Variants in R3HDM1 observed in about 807,000 individuals in gnomAD.
R3HDM1 encodes the protein R3H domain containing 1.
R3HDM1 carries 46 observed loss-of-function variants against 141.1 expected under a neutral mutation model. That is an observed-to-expected ratio of 0.33 (90% CI 0.26 to 0.42). The LOEUF (loss-of-function observed/expected upper bound fraction) is 0.42, where lower values mean the gene tolerates loss of function less well. R3HDM1 is among the 10% of genes least tolerant of loss of function. R3HDM1 has a pLI of 1.00. For missense variants in R3HDM1, 1,184 were observed against 1,368.3 expected (o/e 0.87, Z 2.12); for synonymous variants, 435 against 472.9 (o/e 0.92, Z 1.04).
intron 19 of R3HDM1, among the ~76,000 whole-genome samples, chr2:135,665,066 T>C (rs1337288451): frequency 1.3e-5 from 2 of 152,220 alleles, no homozygotes; most frequent in African/African-American, 4.8e-5. Flanking sequence ...AGAGAATTGG[T>C]TTGTAACAGC....
intron 5 of R3HDM1, among the ~76,000 whole-genome samples, chr2:135,618,906 G>T (rs2061303022): frequency 6.6e-6 from 1 of 151,976 alleles, no homozygotes; most frequent in South Asian, 2.1e-4. Context: ...TGTAATCCCA[G>T]CTACTTCGGA....
At position 135,639,786 on chromosome 2, in the gene R3HDM1, G is replaced by A. The variant is rs187070445; in HGVS notation, c.1219+664G>A. 2.3e-3 allele frequency among the ~76,000 whole-genome samples: 346 copies of A among 152,140 alleles called. 2 individuals carry two copies. Among genetic ancestry groups the A allele is most frequent in the Non-Finnish European group, 3.7e-3 (253 of 68,000 alleles). The stretch of plus-strand genomic sequence containing the variant: ...GATCTTTATTTTTATCCCAAAATAA[G>A]CGTGAAAGTCAAAAATGGGTGTTTC... On this transcript the variant is annotated intron_variant, in intron 14 of 26. Coordinates refer to ENST00000683871, the MANE Select transcript of R3HDM1 (RefSeq NM_001378107.1).
chr2:135,664,062 G>C (rs1006727090), intron 19 of R3HDM1, among the ~76,000 whole-genome samples: 2 of 149,734 alleles, frequency 1.3e-5, no homozygotes, highest in African/African-American at 4.9e-5. Flanking sequence ...TAACAGAAAA[G>C]TGTGCATTTA....
In R3HDM1 at chr2:135,547,767, CTTTTTTTTTTT is replaced by C. The variant is rs56950620; in HGVS notation, c.-250+16145_-250+16155del. Among the ~76,000 whole-genome samples, 4 of 107,352 alleles carry C rather than the reference CTTTTTTTTTTT, an allele frequency of 3.7e-5. No homozygotes were observed. In the South Asian group the frequency reaches 9.1e-4, roughly 25 times the overall value. The allele number at this position is 107,352 out of a possible 152,430, so 70.4% of individuals were successfully genotyped here. A position where few individuals can be genotyped will look rare whatever the true frequency, so the allele number is the denominator to read the frequency against. ...ATATGTCTGTAGTCTTTTTTCTTTT[CTTTTTTTTTTT>C]TTTTTTTTTTCTTGAGACAGAGTCT... On this transcript the variant is annotated intron_variant, in intron 1 of 26. Transcript: ENST00000683871.
chr2:135,645,398 A>G lies in R3HDM1; in HGVS notation c.1494A>G (p.Pro498=). ...NPQTGQPFIN[P]DGSPVVYNPP... Reference sequence around the variant, plus strand: ...TTTCAGGTCAGCCCTTCATAAACCCAGATGGGAGTCCAGTTGTGTATAATC... The same window carrying G: ...TTTCAGGTCAGCCCTTCATAAACCCGGATGGGAGTCCAGTTGTGTATAATC... Residue 498 remains proline, a synonymous_variant, in exon 16 of 27, where the codon CCA becomes CCG. Coordinates refer to ENST00000683871, the MANE Select transcript of R3HDM1 (RefSeq NM_001378107.1). 6.2e-7 allele frequency: 1 copy of G among 1,611,200 alleles called. No individual in the cohort carries two copies. Among genetic ancestry groups the G allele is most frequent in the South Asian group, 1.1e-5 (1 of 90,792 alleles).
chr2:135,622,993 G>A (rs1378917948), intron 7 of R3HDM1: 3 of 981,934 alleles, frequency 3.1e-6, no homozygotes, highest in Non-Finnish European at 3.6e-6. Context: ...TCTTGATTGA[G>A]TTAGACATAT....
At chr2:135,533,587 A>T (rs1422949002) in intron 1 of R3HDM1, among the ~76,000 whole-genome samples, 1 of 152,228 alleles carries the variant, frequency 6.6e-6, no homozygotes, top group Non-Finnish European at 1.5e-5. Flanking sequence ...TTAGAGATAA[A>T]TATATAATAG....
chr2:135,668,397 A>G (rs1343288935), intron 19 of R3HDM1, among the ~76,000 whole-genome samples: 3 of 152,200 alleles, frequency 2.0e-5, no homozygotes, highest in African/African-American at 7.2e-5. Flanking sequence ...GCTGTGTTGT[A>G]TGTTATAATT....
chr2:135,531,690 C>T (rs1694729836), intron 1 of R3HDM1, 57 bp downstream of exon 1: 1 of 986,042 alleles, frequency 1.0e-6, no homozygotes, highest in South Asian at 4.7e-5. Context: ...CGCCTTGCTC[C>T]CCTCCCCCGC....
intron 21 of R3HDM1, among the ~76,000 whole-genome samples, chr2:135,702,382 C>T (rs978351119): frequency 1.6e-4 from 25 of 152,002 alleles, no homozygotes; most frequent in Admixed American, 1.6e-3. Context: ...AAAAAATGGC[C>T]GGGTGTGGTG....
intron 1 of R3HDM1, chr2:135,561,412 A>C: frequency 1.1e-6 from 1 of 878,526 alleles, no homozygotes; most frequent in Non-Finnish European, 1.4e-6. Context: ...ATAGCAAATG[A>C]CATTTTAAAA....
chr2:135,615,197 C>G (rs148120720), intron 3 of R3HDM1, among the ~76,000 whole-genome samples: 1 of 150,300 alleles, frequency 6.7e-6, no homozygotes, highest in Admixed American at 6.6e-5. Context: ...ACTGTAGACT[C>G]TTGTTTCTGT....
At chr2:135,616,065 G>C in intron 3 of R3HDM1, 87 bp from the exon 4 acceptor site, 1 of 1,344,258 alleles carries the variant, frequency 7.4e-7, no homozygotes, top group Non-Finnish European at 1.1e-6. Context: ...TGCACAGTTA[G>C]TTTTTCTGTG....
At chr2:135,533,938 A>G in intron 1 of R3HDM1, 1 of 928,666 alleles carries the variant, frequency 1.1e-6, no homozygotes, top group Non-Finnish European at 1.3e-6. Flanking sequence ...TGCCTGACAC[A>G]GTTTGTGCAA....
chr2:135,593,683 G>T (rs1480167511), intron 1 of R3HDM1, among the ~76,000 whole-genome samples: 1 of 151,920 alleles, frequency 6.6e-6, no homozygotes, highest in Non-Finnish European at 1.5e-5. Flanking sequence ...TTAGTCTTCA[G>T]GGTACCATAT....
At chr2:135,546,817 G>A (rs563096215) in intron 1 of R3HDM1, among the ~76,000 whole-genome samples, 49 of 152,136 alleles carry the variant, frequency 3.2e-4, no homozygotes, top group South Asian at 1.0e-3. Context: ...GATTACAGGC[G>A]TGTGCTACCA....
intron 21 of R3HDM1, among the ~76,000 whole-genome samples, chr2:135,702,003 G>T (rs951273585): frequency 2.0e-5 from 3 of 152,034 alleles, no homozygotes; most frequent in East Asian, 1.9e-4. Context: ...TTCCAAATGT[G>T]TGCAACCATC....
chr2:135,667,235 A>C (rs1157667866), intron 19 of R3HDM1: 1 of 970,096 alleles, frequency 1.0e-6, no homozygotes, highest in African/African-American at 1.8e-5. Context: ...AAAATAGAAC[A>C]TTCTGTGGAG....
intron 1 of R3HDM1, among the ~76,000 whole-genome samples, chr2:135,592,393 A>G (rs1574144444): frequency 1.3e-5 from 2 of 152,202 alleles, no homozygotes; most frequent in African/African-American, 4.8e-5. Flanking sequence ...CTTTTATGGT[A>G]ATTATATGTG....
Sources: allele counts gnomAD v4.1 joint callset (sites outside exome capture counted in the v4.1 genomes callset), GRCh38; gene constraint gnomAD v4.1.1; transcripts MANE v1.5; gene names NCBI Gene and HGNC (gene_info 2026-07-23, HGNC 2026-07-21).